TOGARAM2: variants seen among roughly 807,000 people sequenced by gnomAD.
The protein encoded by TOGARAM2 is TOG array regulator of axonemal microtubules 2, also known as TOG array regulator of axonemal microtubules protein 2.
Under a neutral mutation model 93.3 loss-of-function variants are expected in TOGARAM2, and 85 were observed. The observed-to-expected ratio is 0.91, with a 90% CI of 0.76 to 1.09. The LOEUF is 1.09. TOGARAM2 is among the 50% of genes least tolerant of loss of function. The probability of loss-of-function intolerance (pLI) is 0.00; values close to 1 mark genes in which losing one functional copy is unlikely to be tolerated. For missense variants in TOGARAM2, 1,277 were observed against 1,334.5 expected (o/e 0.96, Z 0.67); for synonymous variants, 593 against 552.8 (o/e 1.07, Z -1.02).
intron 6 of TOGARAM2, among the ~76,000 whole-genome samples, chr2:29,006,351 T>G (rs1215491997): frequency 7.5e-6 from 1 of 133,140 alleles, no homozygotes; most frequent in Admixed American, 7.2e-5. Flanking sequence ...TGTGTGTATG[T>G]GTGAGTGCAT....
chr2:29,010,618 C>T (rs1664184967), intron 6 of TOGARAM2, among the ~76,000 whole-genome samples: 1 of 152,088 alleles, frequency 6.6e-6, no homozygotes, highest in Admixed American at 6.5e-5. Flanking sequence ...TGACCTGTTG[C>T]TGTGGCTTGT....
intron 1 of TOGARAM2, among the ~76,000 whole-genome samples, chr2:28,985,200 GTC>G (rs1048009447): frequency 6.6e-6 from 1 of 151,958 alleles, no homozygotes; most frequent in Non-Finnish European, 1.5e-5. Flanking sequence ...CTTGCTCTCT[GTC>G]TCTCTCTCTG....
intron 1 of TOGARAM2, among the ~76,000 whole-genome samples, chr2:28,958,767 G>T (rs1054435683): frequency 1.3e-5 from 2 of 152,162 alleles, no homozygotes; most frequent in African/African-American, 4.8e-5. Context: ...CTGGTTAGAA[G>T]TATAATACAA....
intron 6 of TOGARAM2, among the ~76,000 whole-genome samples, chr2:29,006,293 A>ATG (rs1481680538): frequency 4.0e-5 from 5 of 124,368 alleles, no homozygotes; most frequent in Admixed American, 8.2e-5. Flanking sequence ...GTATGTGTGC[A>ATG]TGTGTGTGTG....
chr2:28,994,202 T>C (rs562272225), intron 1 of TOGARAM2, among the ~76,000 whole-genome samples: 2 of 151,946 alleles, frequency 1.3e-5, no homozygotes, highest in South Asian at 4.2e-4. Context: ...GGGTCACAGG[T>C]GTGGCTTGTT....
intron 14 of TOGARAM2, among the ~76,000 whole-genome samples, chr2:29,031,231 G>A (rs962465004): frequency 6.6e-6 from 1 of 152,150 alleles, no homozygotes; most frequent in African/African-American, 2.4e-5. Context: ...ATTCACAGGT[G>A]TGATCATTGC....
chr2:28,967,882 G>A (rs541671529), intron 1 of TOGARAM2, among the ~76,000 whole-genome samples: 6 of 139,928 alleles, frequency 4.3e-5, no homozygotes, highest in East Asian at 2.2e-4. Context: ...GCTCAATGTC[G>A]GCTCACTGAC....
At chr2:28,983,194 ATATATTTTTTTTTTTTTTTT>A (rs1232875397) in intron 1 of TOGARAM2, among the ~76,000 whole-genome samples, 2 of 48,518 alleles carry the variant, frequency 4.1e-5, no homozygotes, top group African/African-American at 6.3e-5. Flanking sequence ...ATATATATAT[ATATATTTTTTTTTTTTTTTT>A]TTTTTTTTTT....
rs374512405 is a variant in TOGARAM2 at position 29,045,300 on chromosome 2, A to T, written c.2636-24A>T. On this transcript the variant is annotated intron_variant, in intron 18 of 19. Coordinates refer to ENST00000379558, the MANE Select transcript of TOGARAM2 (RefSeq NM_199280.4). Reference sequence around the variant, plus strand: ...TCACTCAGCCCCCAGCAGTGTGGCCACTGACATCCCCCTTCTCTTTCAGAC... The same window carrying T: ...TCACTCAGCCCCCAGCAGTGTGGCCTCTGACATCCCCCTTCTCTTTCAGAC... The T allele has an allele frequency of 1.9e-4, 298 of 1,604,908 alleles. 1 individual carries two copies. The highest frequency in any genetic ancestry group is 1.7e-4 in the Non-Finnish European group (203 of 1,175,134).
In TOGARAM2 at chr2:29,033,500, C is replaced by T. The variant is rs1665901253; in HGVS notation, c.2162C>T (p.Ala721Val). 2.5e-6 allele frequency: 4 copies of T among 1,613,722 alleles called. No individual in the cohort carries two copies. Among genetic ancestry groups the T allele is most frequent in the Non-Finnish European group, 3.4e-6 (4 of 1,179,816 alleles). Residue 721 changes from alanine (A) to valine (V), a missense_variant, in exon 16 of 20, where the codon GCC (alanine) becomes GTC (valine). Ala to Val is a moderately conservative substitution (Grantham distance 64). Coordinates refer to ENST00000379558, the MANE Select transcript of TOGARAM2 (RefSeq NM_199280.4). ...GIEDNDELPS[A>V]KGRKVLRSLV... ...GAAGATAATGATGAACTTCCCTCTG[C>T]CAAAGGCCGCAAGGTGTTGAGGAGT...
At chr2:29,019,172 TGA>T (rs1664775255) in intron 10 of TOGARAM2, among the ~76,000 whole-genome samples, 1 of 143,570 alleles carries the variant, frequency 7.0e-6, no homozygotes, top group Non-Finnish European at 1.5e-5. Flanking sequence ...ATAACCCAAC[TGA>T]CTCTTTTTTT....
intron 10 of TOGARAM2, among the ~76,000 whole-genome samples, chr2:29,021,179 G>T (rs973043237): frequency 1.3e-5 from 2 of 152,216 alleles, no homozygotes; most frequent in African/African-American, 4.8e-5. Context: ...CTCCCAAAGT[G>T]CTGGGATTAC....
At chr2:28,994,315 G>A (rs1229241785) in intron 1 of TOGARAM2, among the ~76,000 whole-genome samples, 2 of 152,212 alleles carry the variant, frequency 1.3e-5, no homozygotes, top group African/African-American at 4.8e-5. Context: ...CAACACCTGT[G>A]TGATCAGTGG....
intron 1 of TOGARAM2, among the ~76,000 whole-genome samples, chr2:28,971,758 C>T (rs1344337874): frequency 1.3e-5 from 2 of 152,142 alleles, no homozygotes; most frequent in African/African-American, 2.4e-5. Flanking sequence ...CTGGCTTGGA[C>T]AACTTTCTTG....
At chr2:28,982,455 G>T (rs538276915) in intron 1 of TOGARAM2, among the ~76,000 whole-genome samples, 24 of 152,264 alleles carry the variant, frequency 1.6e-4, no homozygotes, top group African/African-American at 5.8e-4. Context: ...GCCCATAATC[G>T]CTTCTATCCT....
At chr2:29,024,501 C>A in intron 13 of TOGARAM2, 127 bp downstream of exon 13, 1 of 821,004 alleles carries the variant, frequency 1.2e-6, no homozygotes, top group East Asian at 2.7e-5. Context: ...GCAAGTGAGG[C>A]TGCAGGGGGT....
At position 28,988,777 on chromosome 2, in the gene TOGARAM2, C is replaced by T. The variant is rs116079801; in HGVS notation, c.-110-5948C>T. Reference sequence around the variant, plus strand: ...TATACCTTCCACTCACGCCTCAGACCTCAGCAATTTTCTGTGACCCGCATG... The same window carrying T: ...TATACCTTCCACTCACGCCTCAGACTTCAGCAATTTTCTGTGACCCGCATG... On this transcript the variant is annotated intron_variant, in intron 1 of 19. Transcript: ENST00000379558. Among the ~76,000 whole-genome samples, 570 of 152,284 alleles carry T rather than the reference C, an allele frequency of 3.7e-3. 4 individuals are homozygous for T. The highest frequency in any genetic ancestry group is 0.013 in the African/African-American group (541 of 41,540).
In TOGARAM2 at chr2:28,959,429, T is replaced by C. The variant is rs181677233; in HGVS notation, c.-147+2732T>C. Among the ~76,000 whole-genome samples the C allele has an allele frequency of 7.9e-3, 1,202 of 152,146 alleles. 20 individuals are homozygous for C. The highest frequency in any genetic ancestry group is 0.027 in the African/African-American group (1,124 of 41,490). On this transcript the variant is annotated intron_variant, in intron 1 of 6. Coordinates refer to the TOGARAM2 transcript ENST00000401723. Reference sequence around the variant, plus strand: ...TGGTTTTTCACTTCTTTTCCCAACTTAGGAAAATTTCAAATATACAGAAAA... The same window carrying C: ...TGGTTTTTCACTTCTTTTCCCAACTCAGGAAAATTTCAAATATACAGAAAA...
intron 1 of TOGARAM2, among the ~76,000 whole-genome samples, chr2:28,962,765 T>TCCCTC (rs1202095864): frequency 1.3e-5 from 1 of 74,496 alleles, no homozygotes; most frequent in African/African-American, 5.4e-5. Flanking sequence ...CCCCTCCCCT[T>TCCCTC]CCCTCCCCTC....
Sources: gnomAD v4.1 joint callset for allele counts (sites outside exome capture counted in the v4.1 genomes callset) on GRCh38, gnomAD v4.1.1 for gene constraint, MANE v1.5 for transcripts, NCBI Gene and HGNC (gene_info 2026-07-23, HGNC 2026-07-21) for gene names.